Variants in NCR2 observed in about 807,000 individuals in gnomAD.
NCR2 encodes the protein natural cytotoxicity triggering receptor 2, also known as NK cell activating receptor (NKp44).
Under a neutral mutation model 30.7 loss-of-function variants are expected in NCR2, and 35 were observed. The observed-to-expected ratio is 1.14, with a 90% confidence interval of 0.87 to 1.51. The LOEUF is 1.51. NCR2 is among the 40% of genes most tolerant of loss of function. The probability of loss-of-function intolerance (pLI) is 0.00; values close to 1 mark genes in which losing one functional copy is unlikely to be tolerated. For synonymous variants in NCR2, 146 were observed against 134.8 expected, an observed-to-expected ratio of 1.08 and a Z score of -0.58; for missense variants, 316 against 328.9, an observed-to-expected ratio of 0.96 and a Z score of 0.30.
At chr6:41,348,657 T>C (rs568538493) in intron 4 of NCR2, among the ~76,000 whole-genome samples, 53 of 152,218 alleles carry the variant, frequency 3.5e-4, no homozygotes, top group Admixed American at 3.9e-4. Context: ...ATTTACAGCT[T>C]CGTAACTTCC....
chr6:41,343,524 T>C (rs1313949203), intron 4 of NCR2, among the ~76,000 whole-genome samples: 2 of 152,146 alleles, frequency 1.3e-5, no homozygotes, highest in Admixed American at 6.5e-5. Flanking sequence ...AAAATAAATT[T>C]AACAGAGTTT....
chr6:41,336,348 G>T lies in NCR2; in HGVS notation c.314G>T (p.Gly105Val). The change falls in exon 2 of 5, where the codon GGA becomes GTA. Residue 105 changes from glycine (G) to valine (V), a missense_variant. Gly to Val is a moderately radical substitution (Grantham distance 109, BLOSUM62 -3). Transcript: ENST00000373089. ...TMTDLREEDS[G>V]HYWCRIYRPS... ...ACTGATCTGAGAGAGGAAGACTCAG[G>T]ACATTACTGGTGTAGAATCTACCGC... The T allele has an allele frequency of 6.2e-7, 1 of 1,614,032 alleles. No individual in the cohort carries two copies.
intron 4 of NCR2, among the ~76,000 whole-genome samples, chr6:41,345,906 C>A (rs1769287970): frequency 6.6e-6 from 1 of 152,192 alleles, no homozygotes; most frequent in Non-Finnish European, 1.5e-5. Flanking sequence ...ACAATGCTTT[C>A]TCCGCAGTTC....
rs528794885 is a variant in NCR2 at position 41,343,734 on chromosome 6, G to A, written c.644+1585G>A. On this transcript the variant is annotated intron_variant, in intron 4 of 4. Coordinates refer to ENST00000373089, the MANE Select transcript of NCR2 (RefSeq NM_004828.4). ...GCAGAGGGGATTTCCCTACCATACC[G>A]GCTAAAACTGACCTGTTCAGGGATT... 1.1e-4 allele frequency among the ~76,000 whole-genome samples: 17 copies of A among 152,190 alleles called. No homozygotes were observed. The East Asian group carries it at 1.9e-3, about 17-fold the overall frequency.
rs547897993 is a variant in NCR2, at chr6:41,335,650, C to T, written c.-227C>T. On this transcript the variant is annotated 5_prime_UTR_variant, in exon 1 of 5. Coordinates refer to ENST00000373089, the MANE Select transcript of NCR2 (RefSeq NM_004828.4). ...GCCTGGGAAGCTGTGTGCCAGACAG[C>T]GCCGAGCCCACCAGACCCAGACTCA... The T allele has an allele frequency of 2.2e-4, 123 of 570,696 alleles. No homozygotes were observed. The highest frequency in any genetic ancestry group is 3.6e-4 in the Non-Finnish European group (114 of 318,368). 35.4% of individuals were successfully genotyped at this position (570,696 alleles called of 1,614,324 possible).
intron 4 of NCR2, chr6:41,342,812 A>C (rs1769209042): frequency 3.3e-6 from 3 of 918,614 alleles, no homozygotes. Context: ...GGGACAACTC[A>C]GTCAGGCCAG....
rs35710973 is a variant in NCR2 at position 41,336,125 on chromosome 6, G to A, written c.91G>A (p.Val31Met). The change falls in exon 2 of 5, where the codon GTG becomes ATG. Residue 31 changes from valine (V) to methionine (M), a missense_variant. By Grantham distance (21) the Val-to-Met change is conservative. Coordinates refer to ENST00000373089, the MANE Select transcript of NCR2 (RefSeq NM_004828.4). ...AQSKAQVLQS[V>M]AGQTLTVRCQ... ...ATCCAAGGCTCAGGTACTTCAAAGT[G>A]TGGCAGGGCAGACGCTAACCGTGAG... The A allele has an allele frequency of 1.9e-3, 3,091 of 1,614,088 alleles. 54 individuals are homozygous for A. The African/African-American group carries it at 0.035, about 18-fold the overall frequency.
At chr6:41,340,351 G>A (rs9367105) in intron 2 of NCR2, among the ~76,000 whole-genome samples, 75,778 of 151,758 alleles carry the variant, frequency 0.5, 21,165 homozygotes, top group Admixed American at 0.63. Context: ...TAGTAGAGAC[G>A]TGGTCTCACC....
chr6:41,342,134 C>T lies in NCR2; in HGVS notation c.629C>T (p.Ala210Val). Residue 210 changes from alanine (A) to valine (V), a missense_variant, in exon 4 of 5, where the codon GCC becomes GTC. Ala to Val is a moderately conservative substitution (Grantham distance 64). Coordinates refer to ENST00000373089, the MANE Select transcript of NCR2 (RefSeq NM_004828.4). ...LLVAKSLVLS[A>V]LLVWWGDIWW... ...GTAGCCAAGAGCCTGGTGCTGTCAG[C>T]CCTGCTCGTCTGGTGGTGAGTGTGG... The T allele has an allele frequency of 6.2e-7, 1 of 1,613,086 alleles. No individual in the cohort carries two copies. Among genetic ancestry groups the T allele is most frequent in the Non-Finnish European group, 8.5e-7 (1 of 1,179,998 alleles).
intron 4 of NCR2, among the ~76,000 whole-genome samples, chr6:41,345,564 C>T (rs1769280251): frequency 6.6e-6 from 1 of 152,048 alleles, no homozygotes; most frequent in Admixed American, 6.5e-5. Flanking sequence ...CCCAGGTCTC[C>T]ACTTGCTCCT....
chr6:41,345,942 G>A (rs898030147), intron 4 of NCR2, among the ~76,000 whole-genome samples: 3 of 152,122 alleles, frequency 2.0e-5, no homozygotes, highest in African/African-American at 7.2e-5. Context: ...GAGGCGGTTT[G>A]TTCTCCTTTG....
chr6:41,349,264 C>T (rs1406815245), intron 4 of NCR2, among the ~76,000 whole-genome samples: 1 of 151,214 alleles, frequency 6.6e-6, no homozygotes, highest in Non-Finnish European at 1.5e-5. Context: ...GCTCCTGAGA[C>T]CCTTATAAAT....
At chr6:41,339,472 G>A (rs774571418) in intron 2 of NCR2, among the ~76,000 whole-genome samples, 11 of 147,718 alleles carry the variant, frequency 7.4e-5, no homozygotes, top group South Asian at 2.2e-4. Context: ...TGCAAGCTCC[G>A]CCTCCTGGGT....
chr6:41,343,231 C>A (rs556983611), intron 4 of NCR2, among the ~76,000 whole-genome samples: 2 of 152,258 alleles, frequency 1.3e-5, no homozygotes, highest in Non-Finnish European at 2.9e-5. Context: ...CAAAGCCCAG[C>A]GCCTGCAGCA....
rs531783127 is a variant in NCR2, at chr6:41,341,273, C to T, written c.395-521C>T. ...GTGAACAGCAGGAGTGGTGCGCAGC[C>T]GGTTCACAGAGTCCCAGAGTCAAGA... On this transcript the variant is annotated intron_variant, in intron 2 of 4. Coordinates refer to ENST00000373089, the MANE Select transcript of NCR2 (RefSeq NM_004828.4). Among the ~76,000 whole-genome samples the T allele has an allele frequency of 1.3e-4, 20 of 152,238 alleles. No individual in the cohort carries two copies. The South Asian group carries it at 2.5e-3, about 19-fold the overall frequency.
chr6:41,339,223 G>A (rs6928535), intron 2 of NCR2, among the ~76,000 whole-genome samples: 4 of 151,710 alleles, frequency 2.6e-5, no homozygotes, highest in African/African-American at 9.7e-5. Context: ...CACCACACCC[G>A]GCTAATTTTT....
At chr6:41,341,277 TCA>T (rs1411542253) in intron 2 of NCR2, among the ~76,000 whole-genome samples, 1 of 152,052 alleles carries the variant, frequency 6.6e-6, no homozygotes, top group Non-Finnish European at 1.5e-5. Context: ...CGCAGCCGGT[TCA>T]CAGAGTCCCA....
At chr6:41,338,457 CA>C (rs1769086485) in intron 2 of NCR2, among the ~76,000 whole-genome samples, 1 of 152,092 alleles carries the variant, frequency 6.6e-6, no homozygotes, top group Admixed American at 6.5e-5. Context: ...AAATCTAGCC[CA>C]AGACTTCTTA....
In NCR2 at chr6:41,335,703, G is replaced by A. The variant is rs1769000886; in HGVS notation, c.-174G>A. 11 of 718,736 alleles carry A rather than the reference G, an allele frequency of 1.5e-5. No individual in the cohort carries two copies. Among genetic ancestry groups the A allele is most frequent in the South Asian group, 6.5e-5 (4 of 61,740 alleles). The allele number at this position is 718,736 out of a possible 1,614,324, so 44.5% of individuals were successfully genotyped here. On this transcript the variant is annotated 5_prime_UTR_variant, in exon 1 of 5. In the 5' UTR this introduces an upstream ATG that the reference lacks. Coordinates refer to ENST00000373089, the MANE Select transcript of NCR2 (RefSeq NM_004828.4). ...TACAGCTGGAGATCCCCACTTCCCT[G>A]TGCCCACAGAATCTGCCCTTTGCAG...
Sources: gnomAD v4.1 joint callset for allele counts (sites outside exome capture counted in the v4.1 genomes callset) on GRCh38, gnomAD v4.1.1 for gene constraint, MANE v1.5 for transcripts, NCBI Gene and HGNC (gene_info 2026-07-23, HGNC 2026-07-21) for gene names.